APOL3: variants seen among roughly 807,000 people sequenced by gnomAD.
The protein encoded by APOL3 is TNF-inducible protein CG12-1.
A neutral mutation model predicts 11.6 loss-of-function variants in APOL3; 14 were observed. That is an observed-to-expected ratio of 1.21 (90% CI 0.80 to 1.89). APOL3 has a LOEUF of 1.89. Ranked by LOEUF, APOL3 falls within the 40% of genes most tolerant of loss-of-function variation. The pLI is 0.00. For synonymous variants in APOL3, 192 were observed against 190.6 expected (o/e 1.01, Z -0.06); for missense variants, 483 against 492.1 (o/e 0.98, Z 0.17).
chr22:36,142,431 C>G (rs1020354153), intron 2 of APOL3, among the ~76,000 whole-genome samples: 3 of 152,102 alleles, frequency 2.0e-5, no homozygotes, highest in Non-Finnish European at 4.4e-5. Context: ...AGCAAAAAGA[C>G]CTTCATTCAG....
intron 1 of APOL3, among the ~76,000 whole-genome samples, chr22:36,151,102 C>G (rs1327853592): frequency 1.3e-5 from 2 of 151,694 alleles, no homozygotes; most frequent in African/African-American, 4.8e-5. Context: ...ACGACCCATA[C>G]AGGATTCACA....
exon 3 of APOL3, chr22:36,141,757 C>T (rs1232118767): frequency 1.2e-6 from 2 of 1,614,126 alleles, no homozygotes; most frequent in Non-Finnish European, 1.7e-6. Context: ...GCAGTAAGGG[C>T]CAGACTCGTC....
chr22:36,161,742 A>G (rs1182016572), upstream of APOL3, among the ~76,000 whole-genome samples: 1 of 151,008 alleles, frequency 6.6e-6, no homozygotes, highest in Admixed American at 6.6e-5. Context: ...AAAGACAAAG[A>G]CAAAAGAGTA....
chr22:36,141,813 C>G (rs1471700292), exon 3 of APOL3: 2 of 1,614,198 alleles, frequency 1.2e-6, no homozygotes, highest in Admixed American at 1.7e-5. Flanking sequence ...GGACATGATG[C>G]CAGAGGCAGC....
intron 1 of APOL3, among the ~76,000 whole-genome samples, chr22:36,158,462 A>T (rs941447144): frequency 3.3e-5 from 5 of 152,186 alleles, no homozygotes; most frequent in African/African-American, 9.7e-5. Flanking sequence ...ATCACCAAAA[A>T]GGGAGAAATC....
chr22:36,149,383 T>C (rs746461015), intron 1 of APOL3: 3 of 1,306,106 alleles, frequency 2.3e-6, no homozygotes, highest in South Asian at 2.4e-5. Flanking sequence ...TGTAGGGGTA[T>C]GAAGAGAAGA....
exon 3 of APOL3, chr22:36,141,274 C>T (rs1356788694): frequency 6.2e-7 from 1 of 1,614,026 alleles, no homozygotes; most frequent in Admixed American, 1.7e-5. Flanking sequence ...AGCTCCTGAG[C>T]CTGCCGCCTC....
intron 1 of APOL3, chr22:36,156,878 CTGAAATCCGAGG>C (rs1194058731): frequency 6.2e-5 from 28 of 450,546 alleles, no homozygotes; most frequent in South Asian, 4.2e-4. Flanking sequence ...CACAGCCTGG[CTGAAATCCGAGG>C]TGTGGGAGGC....
exon 3 of APOL3, chr22:36,141,050 C>T (rs1186508566): frequency 1.1e-5 from 13 of 1,187,610 alleles, no homozygotes; most frequent in East Asian, 7.0e-5. Flanking sequence ...TAACCCCTCC[C>T]CTGCTGTGCT....
chr22:36,160,642 G>C lies in APOL3; in HGVS notation c.223+27C>G, dbSNP rs778522665. 3 of 1,610,176 alleles carry C rather than the reference G, an allele frequency of 1.9e-6. No homozygotes were observed. The East Asian group carries it at 6.7e-5, about 36-fold the overall frequency. Reference sequence around the variant, plus strand: ...GAGCTGCTGTGAGGATGGGGAGATGGGGAAGGTCAGACCACCCCTAACTTA... The same window carrying C: ...GAGCTGCTGTGAGGATGGGGAGATGCGGAAGGTCAGACCACCCCTAACTTA... On this transcript the variant is annotated intron_variant, in intron 1 of 2. Transcript: ENST00000349314.
intron 1 of APOL3, among the ~76,000 whole-genome samples, chr22:36,151,353 T>C (rs1441059185): frequency 6.6e-6 from 1 of 152,004 alleles, no homozygotes; most frequent in East Asian, 1.9e-4. Flanking sequence ...CCAGAAGAAA[T>C]GGATGATTGC....
intron 1 of APOL3, among the ~76,000 whole-genome samples, chr22:36,147,699 CCTT>C (rs1434764557): frequency 6.6e-6 from 1 of 152,304 alleles, no homozygotes; most frequent in East Asian, 1.9e-4. Context: ...ATTTTTTCCT[CCTT>C]CACTGAAAGG....
chr22:36,145,024 AAG>A (rs1491069494), intron 2 of APOL3, among the ~76,000 whole-genome samples: 43 of 85,812 alleles, frequency 5.0e-4, no homozygotes, highest in African/African-American at 2.1e-3. Context: ...AAAAAAAAAA[AAG>A]AAAAAAAAAG....
At position 36,141,313 on chromosome 22, in the gene APOL3, C is replaced by T. The variant is rs914312304; in HGVS notation, c.1096G>A (p.Gly366Arg). 3.1e-6 allele frequency: 5 copies of T among 1,614,188 alleles called. No individual in the cohort carries two copies. Among genetic ancestry groups the T allele is most frequent in the Non-Finnish European group, 4.2e-6 (5 of 1,180,038 alleles). The change falls in exon 3 of 3, where the codon GGG becomes AGG. Residue 366 changes from glycine (G) to arginine (R), a missense_variant. Coordinates refer to ENST00000349314, the Ensembl canonical transcript of APOL3. ...TCCTCAGCAGATGCAGACTTTGCCC[C>T]CTCATGCAAGTGCTTTGACTCGTAT...
intron 1 of APOL3, among the ~76,000 whole-genome samples, chr22:36,160,277 G>A (rs950411991): frequency 3.9e-5 from 6 of 152,154 alleles, no homozygotes; most frequent in African/African-American, 1.4e-4. Flanking sequence ...CCACAAGAAG[G>A]ACAGGCCAGG....
At chr22:36,148,974 G>A in intron 1 of APOL3, 72 bp downstream of exon 2, 1 of 1,333,422 alleles carries the variant, frequency 7.5e-7, no homozygotes, top group Non-Finnish European at 1.0e-6. Context: ...GGCTCACTGA[G>A]TTGTGGAAAC....
At chr22:36,154,097 G>A (rs1038541495) in intron 1 of APOL3, among the ~76,000 whole-genome samples, 2 of 152,186 alleles carry the variant, frequency 1.3e-5, no homozygotes, top group African/African-American at 4.8e-5. Flanking sequence ...GAAACAGGCT[G>A]TAAAATGTTT....
chr22:36,157,108 C>T, intron 1 of APOL3: 2 of 444,662 alleles, frequency 4.5e-6, no homozygotes, highest in East Asian at 7.0e-5. Flanking sequence ...CGTGTCCTCC[C>T]CAGTCTTATT....
chr22:36,145,009 CAAAAAAAAAA>C (rs1312228074), intron 2 of APOL3, among the ~76,000 whole-genome samples: 2 of 37,936 alleles, frequency 5.3e-5, no homozygotes, highest in Non-Finnish European at 1.6e-4. Context: ...GACTCTGTCT[CAAAAAAAAAA>C]AAAAAAGAAA....
Sources: gnomAD v4.1 joint callset for allele counts (sites outside exome capture counted in the v4.1 genomes callset) on GRCh38, gnomAD v4.1.1 for gene constraint, MANE v1.5 for transcripts, NCBI Gene and HGNC (gene_info 2026-07-23, HGNC 2026-07-21) for gene names.